The following RTN4RL1 variants were observed in gnomAD, a reference collection of about 807,000 sequenced individuals.
RTN4RL1 encodes reticulon-4 receptor-like 1.
In RTN4RL1, 7 loss-of-function variants were observed where a neutral mutation model predicts 25.6. That is an observed-to-expected ratio of 0.27 (90% CI 0.16 to 0.51). RTN4RL1 has a LOEUF of 0.51. RTN4RL1 is among the 20% of genes least tolerant of loss of function. The pLI is 0.97. For missense variants in RTN4RL1, 500 were observed against 615.6 expected (o/e 0.81, Z 1.99); for synonymous variants, 297 against 288.2 (o/e 1.03, Z -0.31).
chr17:1,986,888 T>G (rs1246812186), intron 1 of RTN4RL1, among the ~76,000 whole-genome samples: 1 of 152,054 alleles, frequency 6.6e-6, no homozygotes, highest in Non-Finnish European at 1.5e-5. Context: ...CTTCCAGGCC[T>G]GGGTTCCAGG....
chr17:1,969,653 A>G (rs2066809393), intron 1 of RTN4RL1, among the ~76,000 whole-genome samples: 1 of 152,208 alleles, frequency 6.6e-6, no homozygotes, highest in African/African-American at 2.4e-5. Flanking sequence ...ACTATCTGCC[A>G]GAATTTGAGT....
intron 1 of RTN4RL1, among the ~76,000 whole-genome samples, chr17:1,952,128 AC>A (rs1165133684): frequency 6.6e-6 from 1 of 152,056 alleles, no homozygotes; most frequent in African/African-American, 2.4e-5. Flanking sequence ...TTTGTTTCAA[AC>A]GACACATGTC....
intron 1 of RTN4RL1, among the ~76,000 whole-genome samples, chr17:2,014,630 G>A (rs953545639): frequency 1.3e-5 from 2 of 152,148 alleles, no homozygotes; most frequent in Admixed American, 6.5e-5. Context: ...TCAGGAGTTC[G>A]AGACCAGCCT....
Position 2,025,083 on chromosome 17 carries a change from C to A in RTN4RL1, c.-218G>T. ...CGCCCGCAAGCAACCGTGGTGCTGC[C>A]CGGCAGCCCCGCGCGCTTGCTCAGC... is the stretch of plus-strand genomic sequence containing the variant. On this transcript the variant is annotated 5_prime_UTR_variant, in exon 1 of 2. Coordinates refer to ENST00000331238, the MANE Select transcript of RTN4RL1 (RefSeq NM_178568.4). This position sits in a 1 kb window ranked among gnomAD's most constrained non-coding sequence, Gnocchi z 4.8. 1 of 402,240 alleles carries A rather than the reference C, an allele frequency of 2.5e-6. No homozygotes were observed. The highest frequency in any genetic ancestry group is 4.4e-6 in the Non-Finnish European group (1 of 227,818). 24.9% of individuals were successfully genotyped at this position (402,240 alleles called of 1,614,324 possible).
At chr17:1,993,644 C>G (rs1299685569) in intron 1 of RTN4RL1, among the ~76,000 whole-genome samples, 1 of 152,136 alleles carries the variant, frequency 6.6e-6, no homozygotes, top group Non-Finnish European at 1.5e-5. Flanking sequence ...CCGTTCCCTT[C>G]CCCTACCCTT....
intron 1 of RTN4RL1, among the ~76,000 whole-genome samples, chr17:2,002,218 C>T (rs2066962581): frequency 6.6e-6 from 1 of 151,780 alleles, no homozygotes; most frequent in East Asian, 1.9e-4. Context: ...CTTTCTCTTT[C>T]TTTCCCTTTC....
chr17:2,017,426 C>T (rs982191297), intron 1 of RTN4RL1, among the ~76,000 whole-genome samples: 4 of 152,292 alleles, frequency 2.6e-5, no homozygotes, highest in African/African-American at 4.8e-5. Flanking sequence ...CCTGTGAGGG[C>T]GAGCCACACA....
chr17:2,023,739 G>C (rs1413727710), intron 1 of RTN4RL1: 10 of 147,914 alleles, frequency 6.8e-5, no homozygotes, highest in African/African-American at 1.8e-4. Flanking sequence ...CCTGCTGTGA[G>C]GTCAGAATCC....
intron 1 of RTN4RL1, among the ~76,000 whole-genome samples, chr17:2,007,416 C>T (rs544857432): frequency 2.7e-5 from 4 of 150,644 alleles, no homozygotes; most frequent in African/African-American, 7.4e-5. Flanking sequence ...ATTCAAGTCC[C>T]GTCTGGCTGC....
At chr17:1,973,448 C>G (rs2066829115) in intron 1 of RTN4RL1, among the ~76,000 whole-genome samples, 1 of 150,628 alleles carries the variant, frequency 6.6e-6, no homozygotes, top group Non-Finnish European at 1.5e-5. Flanking sequence ...GGGCAAATCA[C>G]TTGAGGTTAC....
intron 1 of RTN4RL1, among the ~76,000 whole-genome samples, chr17:1,972,404 G>C (rs537179851): frequency 6.6e-6 from 1 of 150,970 alleles, no homozygotes; most frequent in African/African-American, 2.4e-5. Flanking sequence ...CTAAACACCC[G>C]GCCTGGCTTC....
At chr17:2,017,703 A>G (rs374352427) in intron 1 of RTN4RL1, 34 of 125,552 alleles carry the variant, frequency 2.7e-4, no homozygotes, top group East Asian at 2.7e-3. Context: ...ACACACACAC[A>G]CACGCACACA....
At chr17:1,953,736 T>G (rs1285445444) in intron 1 of RTN4RL1, among the ~76,000 whole-genome samples, 2 of 152,126 alleles carry the variant, frequency 1.3e-5, no homozygotes, top group Admixed American at 6.5e-5. Context: ...GGTTAATTTT[T>G]GTATTTTTAG....
intron 1 of RTN4RL1, among the ~76,000 whole-genome samples, chr17:1,979,235 T>C (rs953526911): frequency 1.3e-5 from 2 of 152,156 alleles, no homozygotes; most frequent in African/African-American, 4.8e-5. Context: ...ATAGCGCCAC[T>C]GCACTCCAGC....
At chr17:2,018,357 G>C (rs2067153995) in intron 1 of RTN4RL1, among the ~76,000 whole-genome samples, 1 of 152,220 alleles carries the variant, frequency 6.6e-6, no homozygotes, top group Non-Finnish European at 1.5e-5. Context: ...GAAGAAACCA[G>C]GGCAGGAGAC....
At chr17:2,006,307 GCC>G (rs1340923783) in intron 1 of RTN4RL1, among the ~76,000 whole-genome samples, 1 of 151,992 alleles carries the variant, frequency 6.6e-6, no homozygotes, top group Non-Finnish European at 1.5e-5. Context: ...ACAGGCGCGC[GCC>G]ACCACACCCA....
Position 1,935,729 on chromosome 17 carries a change from A to G in RTN4RL1, c.*767T>C, listed in dbSNP as rs971248873. On this transcript the variant is annotated 3_prime_UTR_variant, in exon 2 of 2. Coordinates refer to ENST00000331238, the MANE Select transcript of RTN4RL1 (RefSeq NM_178568.4). ...CATTTGTGTATATATATATATATAT[A>G]TATATATATATATATATATATATAT... The G allele has an allele frequency of 1.2e-3, 282 of 231,084 alleles. 31 individuals carry two copies. The highest frequency in any genetic ancestry group is 3.1e-3 in the East Asian group (16 of 5,194). The allele number at this position is 231,084 out of a possible 1,614,324, so 14.3% of individuals were successfully genotyped here.
chr17:1,956,705 G>C (rs551685686), intron 1 of RTN4RL1, among the ~76,000 whole-genome samples: 1 of 151,588 alleles, frequency 6.6e-6, no homozygotes, highest in Admixed American at 6.6e-5. Context: ...AGGGTCTGGG[G>C]TGAGGGAAAC....
At chr17:2,002,643 C>G (rs113065895) in intron 1 of RTN4RL1, among the ~76,000 whole-genome samples, 1,788 of 151,812 alleles carry the variant, frequency 0.012, 32 homozygotes, top group African/African-American at 0.041. Flanking sequence ...TCCCTCCCTT[C>G]CTTCCTTCCT....
Sources: gnomAD v4.1 joint callset for allele counts (sites outside exome capture counted in the v4.1 genomes callset) on GRCh38, gnomAD v4.1.1 for gene constraint, Gnocchi (gnomAD v3.1) non-coding constraint, MANE v1.5 for transcripts, NCBI Gene and HGNC (gene_info 2026-07-23, HGNC 2026-07-21) for gene names.